Variants in CCSER1 observed in about 807,000 individuals in gnomAD.
The protein encoded by CCSER1 is coiled-coil serine rich protein 1, also known as serine-rich coiled-coil domain-containing protein 1.
In CCSER1, 41 loss-of-function variants were observed where a neutral mutation model predicts 82.0. That is an observed-to-expected ratio of 0.50 (90% CI 0.39 to 0.65). CCSER1 has a LOEUF of 0.65. Ranked by LOEUF, CCSER1 falls within the 30% of genes least tolerant of loss-of-function variation. CCSER1 has a pLI of 0.00. For synonymous variants in CCSER1, 414 were observed against 383.9 expected (o/e 1.08, Z -0.92); for missense variants, 1,119 against 1,064.2 (o/e 1.05, Z -0.72).
intron 1 of CCSER1, among the ~76,000 whole-genome samples, chr4:90,276,312 T>C (rs1227331619): frequency 3.0e-5 from 4 of 134,970 alleles, no homozygotes; most frequent in Non-Finnish European, 6.1e-5. Flanking sequence ...CCTTCCTTTC[T>C]TTCTTTTTCT....
At chr4:91,577,817 T>C (rs1017768700) in intron 10 of CCSER1, among the ~76,000 whole-genome samples, 4 of 150,806 alleles carry the variant, frequency 2.7e-5, no homozygotes, top group Non-Finnish European at 4.4e-5. Context: ...CAATAATTAG[T>C]ATTTTATCTC....
chr4:91,072,734 T>C (rs1721563746), intron 9 of CCSER1, among the ~76,000 whole-genome samples: 1 of 152,096 alleles, frequency 6.6e-6, no homozygotes, highest in Non-Finnish European at 1.5e-5. Flanking sequence ...CTTAGGAAAG[T>C]TAATTAACCT....
intron 5 of CCSER1, among the ~76,000 whole-genome samples, chr4:90,469,072 T>A (rs28374181): frequency 0.13 from 19,474 of 152,048 alleles, 2,001 homozygotes; most frequent in African/African-American, 0.28. Context: ...TTAAGGTTTC[T>A]GGTTAGTGAT....
At chr4:90,840,066 AT>A (rs1292973866) in intron 8 of CCSER1, among the ~76,000 whole-genome samples, 1 of 152,030 alleles carries the variant, frequency 6.6e-6, no homozygotes, top group African/African-American at 2.4e-5. Context: ...CATAGCATTT[AT>A]TTTATAGCAT....
chr4:91,359,151 G>A (rs1002869976), intron 10 of CCSER1, among the ~76,000 whole-genome samples: 3 of 149,720 alleles, frequency 2.0e-5, no homozygotes, highest in Admixed American at 6.7e-5. Context: ...GCAAGCAGGT[G>A]GTATGTGACA....
At chr4:90,261,616 T>G (rs963230736) in intron 1 of CCSER1, among the ~76,000 whole-genome samples, 2 of 152,198 alleles carry the variant, frequency 1.3e-5, no homozygotes, top group African/African-American at 2.4e-5. Flanking sequence ...CAGGAGTTCT[T>G]TGTGCTTCTT....
intron 10 of CCSER1, among the ~76,000 whole-genome samples, chr4:91,526,781 C>T (rs1055603535): frequency 8.5e-5 from 13 of 152,060 alleles, no homozygotes; most frequent in African/African-American, 2.7e-4. Flanking sequence ...TTTTTAGAGA[C>T]AGGGTTTCAC....
At chr4:90,540,232 A>G (rs772507526) in intron 5 of CCSER1, among the ~76,000 whole-genome samples, 2 of 152,158 alleles carry the variant, frequency 1.3e-5, no homozygotes, top group Non-Finnish European at 2.9e-5. Flanking sequence ...ATACTGTGAA[A>G]TAGATTTTTC....
intron 10 of CCSER1, among the ~76,000 whole-genome samples, chr4:91,141,952 GTTAC>G (rs1405599829): frequency 1.3e-5 from 2 of 152,074 alleles, no homozygotes; most frequent in African/African-American, 4.8e-5. Flanking sequence ...TTTTAATGAT[GTTAC>G]TTGTTTTTTA....
At chr4:91,469,210 A>G (rs935936496) in intron 10 of CCSER1, among the ~76,000 whole-genome samples, 3 of 152,134 alleles carry the variant, frequency 2.0e-5, no homozygotes, top group Admixed American at 6.6e-5. Flanking sequence ...GTTAAACTTC[A>G]TATCTTGGGA....
intron 10 of CCSER1, among the ~76,000 whole-genome samples, chr4:91,462,632 C>A (rs1756574944): frequency 6.6e-6 from 1 of 152,136 alleles, no homozygotes; most frequent in Non-Finnish European, 1.5e-5. Flanking sequence ...TGCCAGACGG[C>A]ACTTGGAAAA....
At chr4:91,480,831 T>A (rs1757867282) in intron 10 of CCSER1, among the ~76,000 whole-genome samples, 1 of 152,180 alleles carries the variant, frequency 6.6e-6, no homozygotes, top group African/African-American at 2.4e-5. Context: ...ACTGTTAATA[T>A]GTAACAAGTG....
At chr4:90,807,136 A>G (rs976040606) in intron 7 of CCSER1, among the ~76,000 whole-genome samples, 3 of 152,066 alleles carry the variant, frequency 2.0e-5, no homozygotes, top group Admixed American at 6.6e-5. Flanking sequence ...CTAGCACAGA[A>G]CTACCTGGCT....
At chr4:90,945,533 A>G (rs1732134074) in intron 9 of CCSER1, among the ~76,000 whole-genome samples, 3 of 152,192 alleles carry the variant, frequency 2.0e-5, no homozygotes, top group Admixed American at 2.0e-4. Flanking sequence ...TCAGAAATAC[A>G]TGACAATTCC....
chr4:90,823,671 G>A (rs968292540), intron 8 of CCSER1, among the ~76,000 whole-genome samples: 3 of 151,872 alleles, frequency 2.0e-5, no homozygotes, highest in East Asian at 1.9e-4. Flanking sequence ...GGGGGGGGAT[G>A]TTTGGACATT....
intron 10 of CCSER1, among the ~76,000 whole-genome samples, chr4:91,594,496 A>C (rs1198107448): frequency 6.7e-6 from 1 of 149,392 alleles, no homozygotes; most frequent in African/African-American, 2.5e-5. Context: ...TATATACCCA[A>C]ATCAGATCTA....
At chr4:90,867,982 A>G (rs1299646970) in intron 8 of CCSER1, among the ~76,000 whole-genome samples, 2 of 152,040 alleles carry the variant, frequency 1.3e-5, no homozygotes, top group Non-Finnish European at 1.5e-5. Context: ...AATATTGACT[A>G]TTGTGAACAG....
At chr4:90,217,185 T>A (rs1487739038) in intron 1 of CCSER1, among the ~76,000 whole-genome samples, 1 of 151,972 alleles carries the variant, frequency 6.6e-6, no homozygotes, top group African/African-American at 2.4e-5. Context: ...TTTGGTGGAG[T>A]CTTTAGACGT....
chr4:90,674,009 T>C (rs1189581275), intron 6 of CCSER1, among the ~76,000 whole-genome samples: 1 of 151,968 alleles, frequency 6.6e-6, no homozygotes. Context: ...CTGGGAGATA[T>C]GGATGCTAAC....
Sources: gnomAD v4.1 joint callset for allele counts (sites outside exome capture counted in the v4.1 genomes callset) on GRCh38, gnomAD v4.1.1 for gene constraint, MANE v1.5 for transcripts, NCBI Gene and HGNC (gene_info 2026-07-23, HGNC 2026-07-21) for gene names.